Variants in NDE1 observed in about 807,000 individuals in gnomAD.
The protein encoded by NDE1 is nuclear distribution protein nudE homolog 1.
NDE1 carries 28 observed loss-of-function variants against 43.4 expected under a neutral mutation model. The ratio of observed to expected loss-of-function variants is 0.65; its 90% CI spans 0.48 to 0.89. The LOEUF (loss-of-function observed/expected upper bound fraction) is 0.89. NDE1 is among the 40% of genes least tolerant of loss of function. NDE1 has a pLI of 0.00. For synonymous variants in NDE1, 184 were observed against 172.0 expected (o/e 1.07, Z -0.55); for missense variants, 441 against 434.1 (o/e 1.02, Z -0.14).
chr16:15,650,762 T>C (rs1043738343), intron 1 of NDE1, among the ~76,000 whole-genome samples: 1 of 152,122 alleles, frequency 6.6e-6, no homozygotes, highest in East Asian at 1.9e-4. Flanking sequence ...CTCTCTCTCC[T>C]ATTCCTCCAT....
At chr16:15,722,111 G>A (rs1013003753) in intron 8 of NDE1, among the ~76,000 whole-genome samples, 13 of 151,856 alleles carry the variant, frequency 8.6e-5, no homozygotes, top group South Asian at 2.1e-4. Context: ...CTCCTGCCTC[G>A]GCCTCCCAAA....
intron 8 of NDE1, chr16:15,721,785 C>T (rs1476054011): frequency 2.6e-6 from 2 of 755,854 alleles, no homozygotes; most frequent in Non-Finnish European, 4.4e-6. Flanking sequence ...TTTATATAAT[C>T]ATCTGGCGTT....
chr16:15,682,419 T>C (rs899507714), intron 4 of NDE1, among the ~76,000 whole-genome samples: 3 of 152,228 alleles, frequency 2.0e-5, no homozygotes, highest in African/African-American at 4.8e-5. Flanking sequence ...TTAATAGTTA[T>C]ATTTAGAACG....
chr16:15,646,266 T>C (rs900449906), upstream of NDE1, among the ~76,000 whole-genome samples: 3 of 152,010 alleles, frequency 2.0e-5, no homozygotes, highest in Admixed American at 6.6e-5. Context: ...CGTCACAGAG[T>C]GGTTAGGGCC....
rs1269351414 is a variant in NDE1 at position 15,697,746 on chromosome 16, G to A, written c.947+886G>A. Among the ~76,000 whole-genome samples the A allele has an allele frequency of 4.0e-5, 6 of 151,552 alleles. No homozygotes were observed. The East Asian group carries it at 1.2e-3, about 29-fold the overall frequency. On this transcript the variant is annotated intron_variant, in intron 8 of 8. Coordinates refer to ENST00000396354, the MANE Select transcript of NDE1 (RefSeq NM_017668.3). Reference sequence around the variant, plus strand: ...AATTAATTAGTTAAATAAAAATAAAGCCCTTATTTGGGGAATTGAGCATCA... The same window carrying A: ...AATTAATTAGTTAAATAAAAATAAAACCCTTATTTGGGGAATTGAGCATCA...
rs2040716083 is a variant in NDE1, at chr16:15,725,618, T to G, written c.*1367T>G. ...ATTGACAAGGAGGATATGAATGATC[T>G]TGACACTGCTTATATGAGGGCGGCA... On this transcript the variant is annotated 3_prime_UTR_variant, in exon 9 of 9. Coordinates refer to ENST00000396354, the MANE Select transcript of NDE1 (RefSeq NM_017668.3). 1.2e-5 allele frequency: 5 copies of G among 403,580 alleles called. No individual in the cohort carries two copies. The Admixed American group carries it at 1.7e-4, about 13-fold the overall frequency. The allele number at this position is 403,580 out of a possible 1,614,324, so 25.0% of individuals were successfully genotyped here.
intron 8 of NDE1, among the ~76,000 whole-genome samples, chr16:15,698,096 C>G (rs551014108): frequency 6.6e-6 from 1 of 152,170 alleles, no homozygotes; most frequent in Non-Finnish European, 1.5e-5. Flanking sequence ...GCCACTGCAA[C>G]CAGCCCTTTT....
Position 15,721,067 on chromosome 16 carries a change from G to A in NDE1, c.948-3124G>A, listed in dbSNP as rs750255006. ...GCTCATGGACCTGCCGGCAGAGCGGGCAGCCCCATTCTATGAGGCTCAACT... is the reference window on the plus strand; with the variant it reads ...GCTCATGGACCTGCCGGCAGAGCGGACAGCCCCATTCTATGAGGCTCAACT... On this transcript the variant is annotated intron_variant, in intron 8 of 8. Coordinates refer to ENST00000396354, the MANE Select transcript of NDE1 (RefSeq NM_017668.3). 2.5e-6 allele frequency: 4 copies of A among 1,613,100 alleles called. No individual in the cohort carries two copies. In the South Asian group the frequency reaches 4.4e-5, roughly 18 times the overall value.
rs57451847 is a variant in NDE1, at chr16:15,705,984, C to CAAAAA, written c.947+9141_947+9145dup. On this transcript the variant is annotated intron_variant, in intron 8 of 8. Transcript: ENST00000396354. ...TAGGCGACAGGGTGAGACTCCGTCT[C>CAAAAA]AAAAAAAAAAAAAAAAAAAAATCAA... Among the ~76,000 whole-genome samples, 12 of 56,766 alleles carry CAAAAA rather than the reference C, an allele frequency of 2.1e-4. 1 individual carries two copies. Among genetic ancestry groups the CAAAAA allele is most frequent in the East Asian group, 5.2e-4 (1 of 1,916 alleles). 37.2% of individuals were successfully genotyped at this position (56,766 alleles called of 152,430 possible). A position where few individuals can be genotyped will look rare whatever the true frequency, so the allele number is the denominator to read the frequency against.
At chr16:15,691,817 C>T (rs2038769375) in intron 6 of NDE1, among the ~76,000 whole-genome samples, 1 of 151,758 alleles carries the variant, frequency 6.6e-6, no homozygotes, top group Non-Finnish European at 1.5e-5. Context: ...TAGGTGGAGA[C>T]ACAGTCTTGC....
chr16:15,697,186 G>A (rs976813099), intron 8 of NDE1: 3 of 469,238 alleles, frequency 6.4e-6, no homozygotes, highest in African/African-American at 2.1e-5. Flanking sequence ...GGGAGTACAG[G>A]TGCGTGTCAC....
chr16:15,718,385 T>A, intron 8 of NDE1: 1 of 1,600,506 alleles, frequency 6.2e-7, no homozygotes, highest in South Asian at 1.1e-5. Flanking sequence ...CAGCTCCTCC[T>A]CCAGCTGGGC....
intron 8 of NDE1, among the ~76,000 whole-genome samples, chr16:15,706,802 A>G (rs551690739): frequency 7.5e-4 from 114 of 152,230 alleles, no homozygotes; most frequent in Admixed American, 1.3e-3. Context: ...GGAAGAGTCT[A>G]TTTGCTAACT....
chr16:15,716,885 G>A (rs924684883), intron 8 of NDE1, among the ~76,000 whole-genome samples: 5 of 152,228 alleles, frequency 3.3e-5, no homozygotes, highest in African/African-American at 1.2e-4. Flanking sequence ...CTGCTGGGAA[G>A]GCAGGTTAAT....
At chr16:15,707,573 T>C (rs148021823) in intron 8 of NDE1, among the ~76,000 whole-genome samples, 2 of 152,292 alleles carry the variant, frequency 1.3e-5, no homozygotes, top group East Asian at 3.9e-4. Context: ...CACCCTGCGC[T>C]TTAAGTATTT....
chr16:15,695,797 T>C, intron 7 of NDE1: 1 of 796,408 alleles, frequency 1.3e-6, no homozygotes, highest in Non-Finnish European at 1.5e-6. Context: ...TTTCAGTATT[T>C]AGCCTAGTTG....
chr16:15,667,623 TTTTGTTTTG>T (rs1271559641), intron 3 of NDE1, among the ~76,000 whole-genome samples, 184 bp downstream of exon 3: 1 of 115,620 alleles, frequency 8.6e-6, no homozygotes, highest in Non-Finnish European at 1.9e-5. Flanking sequence ...GGGTGGTGCT[TTTTGTTTTG>T]TTTTTTTTTT....
chr16:15,689,938 CAA>C (rs34081814), intron 5 of NDE1, among the ~76,000 whole-genome samples: 2,122 of 95,068 alleles, frequency 0.022, 45 homozygotes, highest in African/African-American at 0.072. Flanking sequence ...AACTCCATCT[CAA>C]AAAAAAAAAA....
At chr16:15,646,020 TA>T (rs1268730757), upstream of NDE1, among the ~76,000 whole-genome samples, 15 of 152,222 alleles carry the variant, frequency 9.9e-5, no homozygotes, top group East Asian at 2.7e-3. Flanking sequence ...AAAAACATTT[TA>T]AATGTTTTTA....
Sources: gnomAD v4.1 joint callset for allele counts (sites outside exome capture counted in the v4.1 genomes callset) on GRCh38, gnomAD v4.1.1 for gene constraint, MANE v1.5 for transcripts, NCBI Gene and HGNC (gene_info 2026-07-23, HGNC 2026-07-21) for gene names.